TDRD3: variants seen among roughly 807,000 people sequenced by gnomAD.
TDRD3 encodes the protein tudor domain-containing protein 3.
Under a neutral mutation model 86.7 loss-of-function variants are expected in TDRD3, and 45 were observed. The observed-to-expected ratio is 0.52, with a 90% confidence interval of 0.41 to 0.67. The LOEUF is 0.67. TDRD3 is among the 30% of genes least tolerant of loss of function. The probability of loss-of-function intolerance (pLI) is 0.00; values close to 1 mark genes in which losing one functional copy is unlikely to be tolerated. For synonymous variants in TDRD3, 298 were observed against 301.7 expected (o/e 0.99, Z 0.13); for missense variants, 814 against 889.0 (o/e 0.92, Z 1.07).
intron 12 of TDRD3, among the ~76,000 whole-genome samples, chr13:60,546,281 C>T (rs1007386365): frequency 2.0e-5 from 3 of 151,924 alleles, no homozygotes; most frequent in African/African-American, 7.2e-5. Flanking sequence ...ATGCCCAGTC[C>T]ATTTATGTTG....
chr13:60,407,508 G>A (rs1277563787), intron 1 of TDRD3, among the ~76,000 whole-genome samples: 1 of 152,172 alleles, frequency 6.6e-6, no homozygotes. Context: ...TTCTCTATTT[G>A]TTGATATTTT....
chr13:60,531,289 G>A (rs1446404774), intron 11 of TDRD3, among the ~76,000 whole-genome samples: 1 of 152,150 alleles, frequency 6.6e-6, no homozygotes, highest in Non-Finnish European at 1.5e-5. Context: ...TTCCAACTCA[G>A]ACTACTTTCC....
intron 5 of TDRD3, among the ~76,000 whole-genome samples, chr13:60,478,652 T>G (rs1956246445): frequency 6.6e-6 from 1 of 152,098 alleles, no homozygotes; most frequent in African/African-American, 2.4e-5. Context: ...CATCTTTTTG[T>G]TCCATTGATC....
rs762340645 is a variant in TDRD3 at position 60,460,415 on chromosome 13, T to G, written c.228T>G (p.Ile76Met). 6.2e-7 allele frequency: 1 copy of G among 1,601,888 alleles called. No homozygotes were observed. The highest frequency in any genetic ancestry group is 8.5e-7 in the Non-Finnish European group (1 of 1,177,052). Residue 76 changes from isoleucine (I) to methionine (M), a missense_variant, in exon 4 of 14, where the codon ATT (isoleucine) becomes ATG (methionine). Transcript: ENST00000377881. ...EGPCVLQIQKIRNVAAPKDNE... is the reference protein window; with the variant it reads ...EGPCVLQIQKMRNVAAPKDNE... ...CATGTGTTTTGCAAATTCAAAAAAT[T>G]CGCAATGTTGCTGCACCAAAGGATA...
rs141430048 is a variant in TDRD3 at position 60,557,742 on chromosome 13, C to G, written c.2119-9783C>G. ...TCTTATAATTATCTCTCCTACCACT[C>G]CAAGTTTTAGTACTTTTTTGTGGCA... On this transcript the variant is annotated intron_variant, in intron 12 of 13. Transcript: ENST00000377881. Among the ~76,000 whole-genome samples the G allele has an allele frequency of 4.8e-3, 732 of 151,020 alleles. 3 individuals carry two copies. Among genetic ancestry groups the G allele is most frequent in the Middle Eastern group, 0.024 (7 of 290 alleles).
In TDRD3 at chr13:60,483,019, A is replaced by AAG. The variant is rs1216442721; in HGVS notation, c.496-751_496-750dup. ...AATAAATCAGAGGAAGAGATAACTG[A>AAG]AGAGAGTCCTGGAGACTCCTTATGG... On this transcript the variant is annotated intron_variant, in intron 5 of 13. Transcript: ENST00000377881. Among the ~76,000 whole-genome samples the AAG allele has an allele frequency of 7.9e-5, 12 of 152,220 alleles. No individual in the cohort carries two copies. The East Asian group carries it at 2.3e-3, about 29-fold the overall frequency.
chr13:60,402,923 T>G (rs146355776), intron 1 of TDRD3, among the ~76,000 whole-genome samples: 11 of 152,314 alleles, frequency 7.2e-5, no homozygotes, highest in Non-Finnish European at 1.5e-4. Context: ...AAATATTTTC[T>G]ATTTCTTTAA....
intron 1 of TDRD3, among the ~76,000 whole-genome samples, chr13:60,434,484 T>A (rs1012374041): frequency 6.7e-6 from 1 of 150,126 alleles, no homozygotes; most frequent in Non-Finnish European, 1.5e-5. Context: ...AAAAAAAAAA[T>A]TGAGCACTTA....
chr13:60,396,226 T>C (rs1041228614), upstream of TDRD3, among the ~76,000 whole-genome samples: 1 of 152,226 alleles, frequency 6.6e-6, no homozygotes, highest in Non-Finnish European at 1.5e-5. Flanking sequence ...CTTCTTCCCC[T>C]GACCTGGCAG....
At chr13:60,457,068 T>C (rs1322334968) in intron 3 of TDRD3, among the ~76,000 whole-genome samples, 2 of 152,198 alleles carry the variant, frequency 1.3e-5, no homozygotes, top group East Asian at 1.9e-4. Context: ...ATGTATATTT[T>C]ATCTAGGTCC....
intron 1 of TDRD3, among the ~76,000 whole-genome samples, chr13:60,429,938 T>C (rs78587453): frequency 0.011 from 1,722 of 152,312 alleles, 24 homozygotes; most frequent in Non-Finnish European, 0.018. Flanking sequence ...GGAAGAAAAC[T>C]AATACTTATT....
intron 12 of TDRD3, among the ~76,000 whole-genome samples, chr13:60,545,986 G>C (rs993567332): frequency 1.3e-5 from 2 of 151,958 alleles, no homozygotes; most frequent in Non-Finnish European, 2.9e-5. Context: ...TCTTATGCGT[G>C]TCATGTGGCT....
At chr13:60,548,820 T>C (rs1001557009) in intron 12 of TDRD3, among the ~76,000 whole-genome samples, 3 of 152,174 alleles carry the variant, frequency 2.0e-5, no homozygotes, top group African/African-American at 7.2e-5. Flanking sequence ...ATGATCCTTT[T>C]GATTATTTTT....
chr13:60,408,437 A>G (rs1954284867), intron 1 of TDRD3, among the ~76,000 whole-genome samples: 1 of 152,218 alleles, frequency 6.6e-6, no homozygotes, highest in Non-Finnish European at 1.5e-5. Flanking sequence ...AGACAGGAAA[A>G]TGTGGGAAAG....
chr13:60,521,671 A>G (rs1015732182), intron 10 of TDRD3, among the ~76,000 whole-genome samples: 12 of 152,100 alleles, frequency 7.9e-5, no homozygotes, highest in African/African-American at 2.9e-4. Flanking sequence ...TGAGGTGGGC[A>G]GATCACCTGA....
rs778081444 is a variant in TDRD3 at position 60,528,663 on chromosome 13, A to G, written c.1438A>G (p.Thr480Ala). 1.2e-6 allele frequency: 2 copies of G among 1,613,916 alleles called. No individual in the cohort carries two copies. Among genetic ancestry groups the G allele is most frequent in the Non-Finnish European group, 1.7e-6 (2 of 1,179,854 alleles). Residue 480 changes from threonine to alanine, a missense_variant, in exon 11 of 14, where the codon ACT (threonine) becomes GCT (alanine). By Grantham distance (58) the Thr-to-Ala change is moderately conservative (BLOSUM62 0). Transcript: ENST00000377881. ...CDRPYSRYDR[T>A]KDTSYPLGSQ... is the part of the protein sequence containing the mutation. ...TAGACCGTATTCTAGATATGACAGA[A>G]CTAAAGATACTTCATATCCTTTAGG... is the stretch of plus-strand genomic sequence containing the variant.
At chr13:60,429,816 TTCTTTCTCATTAGAGAAATTGTATTC>T (rs892461397) in intron 1 of TDRD3, among the ~76,000 whole-genome samples, 20 of 113,984 alleles carry the variant, frequency 1.8e-4, no homozygotes, top group African/African-American at 6.9e-4. Context: ...TTTATTCTCT[TTCTTTCTCATTAGAGAAATTGTATTC>T]TCTTTCTCAT....
intron 1 of TDRD3, among the ~76,000 whole-genome samples, chr13:60,422,736 A>AG (rs1395271282): frequency 6.7e-6 from 1 of 149,340 alleles, no homozygotes; most frequent in African/African-American, 2.4e-5. Flanking sequence ...AGAAAGAAAA[A>AG]CAACTATGAG....
chr13:60,538,512 C>CA (rs1453314133), intron 12 of TDRD3, among the ~76,000 whole-genome samples: 1 of 151,450 alleles, frequency 6.6e-6, no homozygotes. Flanking sequence ...TTATTTATCT[C>CA]AAAAAATGAG....
Sources: allele counts gnomAD v4.1 joint callset (sites outside exome capture counted in the v4.1 genomes callset), GRCh38; gene constraint gnomAD v4.1.1; transcripts MANE v1.5; gene names NCBI Gene and HGNC (gene_info 2026-07-23, HGNC 2026-07-21).